Variants in VWC2 observed in about 807,000 individuals in gnomAD.
VWC2 encodes the protein brorin.
In VWC2, 14 loss-of-function variants were observed where a neutral mutation model predicts 29.8. The observed-to-expected ratio is 0.47, with a 90% CI of 0.31 to 0.74. The LOEUF (loss-of-function observed/expected upper bound fraction) is 0.74. Among genes scored for constraint, VWC2 ranks in the 30% least tolerant of loss-of-function variants. VWC2 has a pLI of 0.05. For missense variants in VWC2, 457 were observed against 459.8 expected, an observed-to-expected ratio of 0.99 and a Z score of 0.05; for synonymous variants, 213 against 199.0, an observed-to-expected ratio of 1.07 and a Z score of -0.59.
rs34786165 is a variant in VWC2 at position 49,902,554 on chromosome 7, C to CAA, written c.827-9466_827-9465dup. Among the ~76,000 whole-genome samples the CAA allele has an allele frequency of 2.9e-3, 307 of 106,628 alleles. 1 individual carries two copies. The highest frequency in any genetic ancestry group is 9.1e-3 in the African/African-American group (238 of 26,132). 70.0% of individuals were successfully genotyped at this position (106,628 alleles called of 152,430 possible). A position where few individuals can be genotyped will look rare whatever the true frequency, so the allele number is the denominator to read the frequency against. On this transcript the variant is annotated intron_variant, in intron 3 of 3. Coordinates refer to ENST00000340652, the MANE Select transcript of VWC2 (RefSeq NM_198570.5). ...ACTGTAACAATTGGATATCCGTAGC[C>CAA]AAAAAAAAAAAAAAAGAATCTCAAA...
chr7:49,859,773 T>TTGATGTG (rs1485638064), intron 3 of VWC2, among the ~76,000 whole-genome samples: 2 of 146,958 alleles, frequency 1.4e-5, no homozygotes, highest in Non-Finnish European at 3.0e-5. Flanking sequence ...TTGATGTGTC[T>TTGATGTG]TACAGTGCGC....
chr7:49,779,524 T>G (rs932185135), intron 2 of VWC2, among the ~76,000 whole-genome samples: 1 of 152,226 alleles, frequency 6.6e-6, no homozygotes, highest in Admixed American at 6.5e-5. Flanking sequence ...AAGTGTCTTT[T>G]TTTCTTTAAC....
chr7:49,894,641 G>A (rs1355420669), intron 3 of VWC2, among the ~76,000 whole-genome samples: 1 of 152,248 alleles, frequency 6.6e-6, no homozygotes, highest in Non-Finnish European at 1.5e-5. Flanking sequence ...TGAGGCTGCA[G>A]TGCTGTGTTG....
intron 3 of VWC2, among the ~76,000 whole-genome samples, chr7:49,904,853 A>G (rs2128660): frequency 0.76 from 115,321 of 151,140 alleles, 44,178 homozygotes; most frequent in East Asian, 0.88. Context: ...CTCCTGCCTC[A>G]GCCTCCCAAG....
intron 3 of VWC2, among the ~76,000 whole-genome samples, chr7:49,867,289 C>T (rs1790937485): frequency 6.6e-6 from 1 of 152,112 alleles, no homozygotes; most frequent in South Asian, 2.1e-4. Context: ...AAGATTTTTT[C>T]ATTCCTGAAG....
intron 3 of VWC2, among the ~76,000 whole-genome samples, chr7:49,910,753 C>G (rs1454679455): frequency 2.6e-5 from 4 of 152,110 alleles, no homozygotes; most frequent in Non-Finnish European, 4.4e-5. Flanking sequence ...TACAGAGATC[C>G]TCAATTCTCA....
chr7:49,782,860 CAG>C (rs745345416), intron 2 of VWC2, among the ~76,000 whole-genome samples: 6 of 151,492 alleles, frequency 4.0e-5, no homozygotes, highest in Non-Finnish European at 8.8e-5. Context: ...TCTTAAAAAA[CAG>C]AAAAGAAAAG....
In VWC2 at chr7:49,917,668, A is replaced by C. The variant is rs1023474738; in HGVS notation, c.*5483A>C. ...TTTAATTCAATTTTCAGCAAGTAGA[A>C]ATATTTCTCAATTTTATTTGGTATC... On this transcript the variant is annotated 3_prime_UTR_variant, in exon 4 of 4. Transcript: ENST00000340652. 1 of 152,148 alleles carries C rather than the reference A, an allele frequency of 6.6e-6. No homozygotes were observed. Among genetic ancestry groups the C allele is most frequent in the Non-Finnish European group, 1.5e-5 (1 of 68,002 alleles). The allele number at this position is 152,148 out of a possible 1,614,324, so 9.4% of individuals were successfully genotyped here.
In VWC2 at chr7:49,850,567, T is replaced by G. The variant is rs567409930; in HGVS notation, c.826+47727T>G. 16 of 152,318 alleles carry G rather than the reference T, an allele frequency of 1.1e-4. No individual in the cohort carries two copies. In the East Asian group the frequency reaches 2.1e-3, roughly 20 times the overall value. 9.4% of individuals were successfully genotyped at this position (152,318 alleles called of 1,614,324 possible). A position where few individuals can be genotyped will look rare whatever the true frequency, so the allele number is the denominator to read the frequency against. On this transcript the variant is annotated intron_variant, in intron 3 of 3. Coordinates refer to ENST00000340652, the MANE Select transcript of VWC2 (RefSeq NM_198570.5). ...CAGGTGCATGCATGAACTCACAAGA[T>G]GTCCACACACAGCAGCCTCATCAGT...
chr7:49,836,465 A>G (rs1379627961), intron 3 of VWC2, among the ~76,000 whole-genome samples: 1 of 51,474 alleles, frequency 1.9e-5, no homozygotes, highest in East Asian at 2.6e-4. Context: ...TCTGTCTCTG[A>G]AAAAAAAAAA....
downstream of VWC2, among the ~76,000 whole-genome samples, chr7:49,922,173 A>C (rs1562777786): frequency 6.6e-6 from 1 of 152,206 alleles, no homozygotes; most frequent in Admixed American, 6.5e-5. Flanking sequence ...TGTACCCTGA[A>C]GTAGCATCTA....
At chr7:49,780,612 CT>C (rs1471806548) in intron 2 of VWC2, among the ~76,000 whole-genome samples, 23 of 152,242 alleles carry the variant, frequency 1.5e-4, no homozygotes, top group African/African-American at 5.3e-4. Context: ...CATTTCTTTG[CT>C]TTTGGTAGGA....
chr7:49,853,690 T>A (rs1393400821), intron 3 of VWC2, among the ~76,000 whole-genome samples: 3 of 152,178 alleles, frequency 2.0e-5, no homozygotes, highest in Non-Finnish European at 4.4e-5. Flanking sequence ...ATCCTTTTTC[T>A]TTAGGAGCAT....
chr7:49,775,373 G>A lies in VWC2; in HGVS notation c.-63G>A. On this transcript the variant is annotated 5_prime_UTR_variant, in exon 2 of 4. In the 5' UTR this introduces an upstream ATG that the reference lacks. Transcript: ENST00000340652. ...GCTGGCGGCGGCGCGCCCCCGGGCTGTGAATGCGACTCGCCCCTCGGCCGC... is the reference window on the plus strand; with the variant it reads ...GCTGGCGGCGGCGCGCCCCCGGGCTATGAATGCGACTCGCCCCTCGGCCGC... 1.5e-6 allele frequency: 2 copies of A among 1,293,780 alleles called. No individual in the cohort carries two copies. The highest frequency in any genetic ancestry group is 9.8e-7 in the Non-Finnish European group (1 of 1,016,426). The allele number at this position is 1,293,780 out of a possible 1,614,324, so 80.1% of individuals were successfully genotyped here. A position where few individuals can be genotyped will look rare whatever the true frequency, so the allele number is the denominator to read the frequency against.
intron 3 of VWC2, among the ~76,000 whole-genome samples, chr7:49,814,919 T>C (rs562736851): frequency 6.6e-6 from 1 of 152,332 alleles, no homozygotes; most frequent in African/African-American, 2.4e-5. Context: ...CTAATGGAGG[T>C]TGATTTCACT....
At chr7:49,882,380 A>G (rs1791705680) in intron 3 of VWC2, among the ~76,000 whole-genome samples, 1 of 152,192 alleles carries the variant, frequency 6.6e-6, no homozygotes, top group Non-Finnish European at 1.5e-5. Flanking sequence ...TCACGTCAAT[A>G]AACCATCCAC....
intron 3 of VWC2, among the ~76,000 whole-genome samples, chr7:49,844,602 G>C (rs1789876102): frequency 6.6e-6 from 1 of 152,236 alleles, no homozygotes; most frequent in African/African-American, 2.4e-5. Flanking sequence ...AAGATTGTGA[G>C]AGCCCTGGTC....
At chr7:49,814,632 T>C (rs1789092309) in intron 3 of VWC2, among the ~76,000 whole-genome samples, 1 of 152,192 alleles carries the variant, frequency 6.6e-6, no homozygotes, top group Non-Finnish European at 1.5e-5. Context: ...ACTTCTAAAC[T>C]GCTGGTCAGA....
At chr7:49,798,423 C>G (rs1788648900) in intron 2 of VWC2, among the ~76,000 whole-genome samples, 2 of 152,218 alleles carry the variant, frequency 1.3e-5, no homozygotes, top group African/African-American at 4.8e-5. Flanking sequence ...AGCCTCATGT[C>G]AAAGCTAGAA....
Sources: gnomAD v4.1 joint callset for allele counts (sites outside exome capture counted in the v4.1 genomes callset) on GRCh38, gnomAD v4.1.1 for gene constraint, MANE v1.5 for transcripts, NCBI Gene and HGNC (gene_info 2026-07-23, HGNC 2026-07-21) for gene names.